SEPHS1: variants seen among roughly 807,000 people sequenced by gnomAD.
The protein encoded by SEPHS1 is selenophosphate synthetase 1.
SEPHS1 carries 7 observed loss-of-function variants against 39.2 expected under a neutral mutation model. The observed-to-expected ratio is 0.18, with a 90% CI of 0.10 to 0.34. The LOEUF (loss-of-function observed/expected upper bound fraction) is 0.34. Ranked by LOEUF, SEPHS1 falls within the 10% of genes least tolerant of loss-of-function variation. The pLI is 1.00. For synonymous variants in SEPHS1, 190 were observed against 195.5 expected (o/e 0.97, Z 0.23); for missense variants, 253 against 514.5 (o/e 0.49, Z 4.92).
intron 2 of SEPHS1, among the ~76,000 whole-genome samples, chr10:13,341,408 A>G (rs1833779536): frequency 6.6e-6 from 1 of 151,984 alleles, no homozygotes; most frequent in African/African-American, 2.4e-5. Context: ...TCCATCAGAA[A>G]GACAACCTAA....
intron 7 of SEPHS1, among the ~76,000 whole-genome samples, chr10:13,327,986 G>A (rs1179718966): frequency 6.6e-6 from 1 of 152,210 alleles, no homozygotes; most frequent in Non-Finnish European, 1.5e-5. Context: ...ATGGGTGGGA[G>A]TGGGGGCACT....
At chr10:13,346,303 AC>A (rs1444996078) in intron 1 of SEPHS1, among the ~76,000 whole-genome samples, 1 of 152,106 alleles carries the variant, frequency 6.6e-6, no homozygotes, top group African/African-American at 2.4e-5. Context: ...AATTACAAAC[AC>A]CCCAAGTTTT....
intron 5 of SEPHS1, among the ~76,000 whole-genome samples, chr10:13,332,679 T>C (rs983332758): frequency 1.1e-4 from 17 of 151,566 alleles, no homozygotes; most frequent in Non-Finnish European, 2.1e-4. Context: ...CCATCTCTAC[T>C]AAAAATACAA....
intron 7 of SEPHS1, among the ~76,000 whole-genome samples, chr10:13,326,386 A>G (rs1740358508): frequency 6.6e-6 from 1 of 151,912 alleles, no homozygotes; most frequent in Non-Finnish European, 1.5e-5. Flanking sequence ...TGGCAGAAGA[A>G]TCACTTGAAG....
intron 4 of SEPHS1, among the ~76,000 whole-genome samples, chr10:13,334,452 A>G (rs570125851): frequency 2.6e-5 from 4 of 152,226 alleles, no homozygotes; most frequent in African/African-American, 9.6e-5. Context: ...GAGGCAGGAG[A>G]ATCGCTTGAA....
intron 7 of SEPHS1, among the ~76,000 whole-genome samples, chr10:13,327,453 G>A (rs192215322): frequency 3.8e-4 from 58 of 152,140 alleles, no homozygotes; most frequent in South Asian, 2.5e-3. Flanking sequence ...AATGCTAGCC[G>A]GAGCTGTTTT....
chr10:13,346,321 G>A (rs1482698317), intron 1 of SEPHS1, among the ~76,000 whole-genome samples: 1 of 152,098 alleles, frequency 6.6e-6, no homozygotes, highest in South Asian at 2.1e-4. Flanking sequence ...TTTTAAGGTC[G>A]GTTTCCCCTA....
intron 7 of SEPHS1, among the ~76,000 whole-genome samples, chr10:13,327,772 G>A (rs1466056361): frequency 6.6e-6 from 1 of 151,942 alleles, no homozygotes; most frequent in Non-Finnish European, 1.5e-5. Context: ...AGAAGCCAGT[G>A]GAAAAATCAA....
intron 2 of SEPHS1, among the ~76,000 whole-genome samples, chr10:13,343,379 G>T (rs1833847650): frequency 6.6e-6 from 1 of 152,124 alleles, no homozygotes; most frequent in African/African-American, 2.4e-5. Flanking sequence ...AGTCCTGCAG[G>T]TCACCAGCGA....
At chr10:13,327,231 A>T (rs2131698236) in intron 7 of SEPHS1, among the ~76,000 whole-genome samples, 1 of 102,220 alleles carries the variant, frequency 9.8e-6, no homozygotes, top group Non-Finnish European at 1.8e-5. Flanking sequence ...ACAGAGTTAG[A>T]TTCTGTCTCA....
intron 5 of SEPHS1, among the ~76,000 whole-genome samples, chr10:13,332,997 A>G (rs1050731893): frequency 1.8e-4 from 28 of 152,182 alleles, no homozygotes; most frequent in African/African-American, 6.8e-4. Flanking sequence ...GCCGAGGAGG[A>G]TGGGGTTTCT....
intron 7 of SEPHS1, among the ~76,000 whole-genome samples, chr10:13,325,070 G>GGTAT (rs1373740898): frequency 7.9e-5 from 12 of 152,114 alleles, no homozygotes; most frequent in African/African-American, 2.9e-4. Flanking sequence ...ACCTTGAACA[G>GGTAT]GTATGTGTTT....
intron 7 of SEPHS1, among the ~76,000 whole-genome samples, chr10:13,326,422 C>A (rs1833293573): frequency 6.7e-6 from 1 of 149,910 alleles, no homozygotes; most frequent in South Asian, 2.1e-4. Context: ...TGCGGTGAGC[C>A]AAGATCCTGC....
rs190217636 is a variant in SEPHS1 at position 13,332,223 on chromosome 10, C to T, written c.560+1594G>A. On this transcript the variant is annotated intron_variant, in intron 5 of 8. Transcript: ENST00000327347. ...AATGCGATACCGATTCATGCTACAA[C>T]ACGGATGGACCCGGAAAACATTCCG... is the stretch of plus-strand genomic sequence containing the variant. Among the ~76,000 whole-genome samples, 468 of 152,338 alleles carry T rather than the reference C, an allele frequency of 3.1e-3. 9 individuals are homozygous for T. Among genetic ancestry groups the T allele is most frequent in the Admixed American group, 0.029 (448 of 15,298 alleles).
chr10:13,319,401 C>G (rs1478432682), intron 8 of SEPHS1, 45 bp from the exon 9 acceptor site: 1 of 1,591,912 alleles, frequency 6.3e-7, no homozygotes, highest in African/African-American at 1.3e-5. Flanking sequence ...GACATGACAG[C>G]AGCTTCTCTG....
chr10:13,347,991 G>A lies in SEPHS1; in HGVS notation c.-79+9C>T. 6.7e-6 allele frequency: 1 copy of A among 148,602 alleles called. No homozygotes were observed. The highest frequency in any genetic ancestry group is 1.5e-5 in the Non-Finnish European group (1 of 66,870). The allele number at this position is 148,602 out of a possible 1,614,324, so 9.2% of individuals were successfully genotyped here. A position where few individuals can be genotyped will look rare whatever the true frequency, so the allele number is the denominator to read the frequency against. On this transcript the variant is annotated intron_variant, in intron 1 of 8. Coordinates refer to ENST00000327347, the MANE Select transcript of SEPHS1 (RefSeq NM_012247.5). Reference sequence around the variant, plus strand: ...TGCGCCTCCCCCCCGCGCCGGGCCCGCCGCTTACCGGCTCGCTTTGCGCCC... The same window carrying A: ...TGCGCCTCCCCCCCGCGCCGGGCCCACCGCTTACCGGCTCGCTTTGCGCCC...
At chr10:13,332,526 C>G (rs1047237258) in intron 5 of SEPHS1, among the ~76,000 whole-genome samples, 37 of 152,106 alleles carry the variant, frequency 2.4e-4, no homozygotes, top group Admixed American at 1.6e-3. Context: ...AATTTTGTTA[C>G]GTGAATTATA....
At chr10:13,345,627 A>C (rs1361463235) in intron 1 of SEPHS1, among the ~76,000 whole-genome samples, 2 of 152,248 alleles carry the variant, frequency 1.3e-5, no homozygotes, top group South Asian at 2.1e-4. Flanking sequence ...TCATGCCTAC[A>C]ATCTCGGCAC....
intron 4 of SEPHS1, among the ~76,000 whole-genome samples, chr10:13,335,980 C>CA (rs1266329760): frequency 0.45 from 42,204 of 93,020 alleles, 10,169 homozygotes; most frequent in East Asian, 0.66. Flanking sequence ...ACTCCTGTCT[C>CA]AAAAAAAAAA....
Sources: gnomAD v4.1 joint callset for allele counts (sites outside exome capture counted in the v4.1 genomes callset) on GRCh38, gnomAD v4.1.1 for gene constraint, MANE v1.5 for transcripts, NCBI Gene and HGNC (gene_info 2026-07-23, HGNC 2026-07-21) for gene names.